The following AUTS2 variants were observed in gnomAD, a reference collection of about 807,000 sequenced individuals.
AUTS2 encodes the protein autism susceptibility gene 2 protein.
In AUTS2, 17 loss-of-function variants were observed where a neutral mutation model predicts 112.4. The observed-to-expected ratio is 0.15, with a 90% CI of 0.10 to 0.23. The LOEUF (loss-of-function observed/expected upper bound fraction) is 0.23, where lower values mean the gene tolerates loss of function less well. Ranked by LOEUF, AUTS2 falls within the 10% of genes least tolerant of loss-of-function variation. AUTS2 has a pLI of 1.00. For missense variants in AUTS2, 1,510 were observed against 1,701.6 expected (o/e 0.89, Z 1.98); for synonymous variants, 751 against 702.7 (o/e 1.07, Z -1.09).
intron 1 of AUTS2, among the ~76,000 whole-genome samples, chr7:69,785,576 C>T (rs183945531): frequency 7.9e-4 from 121 of 152,350 alleles, no homozygotes; most frequent in Non-Finnish European, 7.6e-4. Flanking sequence ...TGGCCATAGA[C>T]ATAACTCAGG....
At chr7:70,589,089 C>T (rs1294134975) in intron 5 of AUTS2, among the ~76,000 whole-genome samples, 1 of 152,198 alleles carries the variant, frequency 6.6e-6, no homozygotes, top group Non-Finnish European at 1.5e-5. Context: ...CCTACAGAGG[C>T]AGCAACCGTA....
intron 4 of AUTS2, among the ~76,000 whole-genome samples, chr7:70,256,090 T>C (rs1174901384): frequency 2.0e-5 from 3 of 152,340 alleles, no homozygotes; most frequent in Non-Finnish European, 4.4e-5. Context: ...ATGTGGTCTC[T>C]AGGTGTTCTC....
At chr7:70,065,930 A>G (rs1056711247) in intron 2 of AUTS2, among the ~76,000 whole-genome samples, 6 of 152,000 alleles carry the variant, frequency 3.9e-5, no homozygotes, top group African/African-American at 1.5e-4. Flanking sequence ...CTGGTCTCAA[A>G]TTCCCGGCTT....
chr7:69,694,684 G>A (rs1384837009), intron 1 of AUTS2, among the ~76,000 whole-genome samples: 1 of 152,194 alleles, frequency 6.6e-6, no homozygotes, highest in East Asian at 1.9e-4. Context: ...GGCTTTCGTT[G>A]TTCTGTATTT....
chr7:70,286,492 C>G (rs546722258), intron 4 of AUTS2, among the ~76,000 whole-genome samples: 1 of 152,210 alleles, frequency 6.6e-6, no homozygotes, highest in South Asian at 2.1e-4. Context: ...CTCTGAAATA[C>G]TATGATTATG....
chr7:70,034,281 T>C (rs1435646147), intron 2 of AUTS2, among the ~76,000 whole-genome samples: 1 of 152,204 alleles, frequency 6.6e-6, no homozygotes, highest in Non-Finnish European at 1.5e-5. Flanking sequence ...ACTCTGTCTC[T>C]TCCCATGTTA....
intron 1 of AUTS2, among the ~76,000 whole-genome samples, chr7:69,875,616 A>G (rs1793694801): frequency 6.6e-6 from 1 of 152,168 alleles, no homozygotes; most frequent in Non-Finnish European, 1.5e-5. Context: ...AGCTTGATAG[A>G]TGGCCTATGG....
intron 5 of AUTS2, among the ~76,000 whole-genome samples, chr7:70,461,802 G>A (rs776986313): frequency 2.0e-5 from 3 of 152,106 alleles, no homozygotes; most frequent in East Asian, 1.9e-4. Flanking sequence ...AGGGTCCTCC[G>A]TGGCACCTGG....
chr7:70,225,763 A>G (rs796288517), intron 4 of AUTS2, among the ~76,000 whole-genome samples: 5 of 152,220 alleles, frequency 3.3e-5, no homozygotes, highest in African/African-American at 1.2e-4. Flanking sequence ...AAAAGATTGT[A>G]TTAGGAATTT....
intron 5 of AUTS2, among the ~76,000 whole-genome samples, chr7:70,681,525 A>T (rs28459680): frequency 4.3e-3 from 418 of 97,888 alleles, no homozygotes; most frequent in Middle Eastern, 0.013. Context: ...ATATATATAT[A>T]TTTTTTTTTT....
At chr7:70,243,231 TTGTG>T (rs3078161) in intron 4 of AUTS2, among the ~76,000 whole-genome samples, 16,645 of 131,556 alleles carry the variant, frequency 0.13, 983 homozygotes, top group East Asian at 0.15. Flanking sequence ...GAATGTATCC[TTGTG>T]TGTGTGTGTG....
chr7:70,613,597 C>G (rs572159157), intron 5 of AUTS2, among the ~76,000 whole-genome samples: 100 of 152,188 alleles, frequency 6.6e-4, no homozygotes, highest in Admixed American at 1.7e-3. Context: ...CCCACTGTGA[C>G]AGTGTTGACC....
At chr7:70,675,971 C>T (rs1807890559) in intron 5 of AUTS2, among the ~76,000 whole-genome samples, 1 of 152,170 alleles carries the variant, frequency 6.6e-6, no homozygotes, top group Non-Finnish European at 1.5e-5. Context: ...GGGGCAGTGT[C>T]AAAGGATGTG....
chr7:70,274,935 T>C (rs1326793849), intron 4 of AUTS2, among the ~76,000 whole-genome samples: 1 of 152,230 alleles, frequency 6.6e-6, no homozygotes, highest in African/African-American at 2.4e-5. Flanking sequence ...CAGATACTTA[T>C]ATTCCAATGT....
chr7:69,697,797 G>C (rs1042932084), intron 1 of AUTS2, among the ~76,000 whole-genome samples: 1 of 152,220 alleles, frequency 6.6e-6, no homozygotes, highest in African/African-American at 2.4e-5. Flanking sequence ...ACAAGACCAA[G>C]TTAAGTGATC....
intron 4 of AUTS2, among the ~76,000 whole-genome samples, chr7:70,214,464 G>A (rs1485623431): frequency 6.6e-6 from 1 of 152,074 alleles, no homozygotes; most frequent in Non-Finnish European, 1.5e-5. Context: ...AATAAACAGT[G>A]TTGCATACAA....
chr7:70,478,221 A>T (rs1797655127), intron 5 of AUTS2, among the ~76,000 whole-genome samples: 1 of 152,160 alleles, frequency 6.6e-6, no homozygotes, highest in Non-Finnish European at 1.5e-5. Context: ...CAATATCAAA[A>T]ATAAAGGTAA....
intron 2 of AUTS2, among the ~76,000 whole-genome samples, chr7:70,032,666 G>C (rs1354180906): frequency 6.6e-6 from 1 of 152,078 alleles, no homozygotes; most frequent in Non-Finnish European, 1.5e-5. Context: ...CAAGCTAAAA[G>C]CCACAGGGAT....
At chr7:69,911,424 AG>A in intron 2 of AUTS2, among the ~76,000 whole-genome samples, 1 of 152,162 alleles carries the variant, frequency 6.6e-6, no homozygotes, top group Non-Finnish European at 1.5e-5. Flanking sequence ...CGTGGCGAGC[AG>A]GGGGGAAAGT....
Sources: gnomAD v4.1 joint callset for allele counts (sites outside exome capture counted in the v4.1 genomes callset) on GRCh38, gnomAD v4.1.1 for gene constraint, MANE v1.5 for transcripts, NCBI Gene and HGNC (gene_info 2026-07-23, HGNC 2026-07-21) for gene names.